The following ADAM33 variants were observed in gnomAD, a reference collection of about 807,000 sequenced individuals.
ADAM33 encodes ADAM metallopeptidase domain 33, also known as disintegrin and metalloproteinase domain-containing protein 33.
ADAM33 carries 103 observed loss-of-function variants against 106.2 expected under a neutral mutation model. That is an observed-to-expected ratio of 0.97 (90% CI 0.83 to 1.14). ADAM33 has a LOEUF of 1.14. Ranked by LOEUF, ADAM33 falls within the 50% of genes most tolerant of loss-of-function variation. The pLI is 0.00. For missense variants in ADAM33, 1,120 were observed against 1,096.6 expected, an observed-to-expected ratio of 1.02 and a Z score of -0.30; for synonymous variants, 483 against 453.0, an observed-to-expected ratio of 1.07 and a Z score of -0.84.
intron 1 of ADAM33, among the ~76,000 whole-genome samples, chr20:3,680,278 C>G (rs537091962): frequency 5.7e-4 from 87 of 152,104 alleles, no homozygotes; most frequent in Non-Finnish European, 1.1e-3. Flanking sequence ...CCCAACCACT[C>G]TCACAGGCCC....
chr20:3,676,750 C>T (rs2087999652), intron 3 of ADAM33, among the ~76,000 whole-genome samples: 1 of 152,160 alleles, frequency 6.6e-6, no homozygotes, highest in Non-Finnish European at 1.5e-5. Context: ...GGTGCCGGCT[C>T]ATCTTTTCCC....
intron 2 of ADAM33, among the ~76,000 whole-genome samples, 169 bp from the exon 3 acceptor site, chr20:3,677,312 A>C (rs756868165): frequency 6.6e-6 from 1 of 152,192 alleles, no homozygotes; most frequent in African/African-American, 2.4e-5. Context: ...AGGTGAGAAC[A>C]TACAAAGATG....
At chr20:3,669,199 G>T in intron 21 of ADAM33, 100 bp downstream of exon 21, 1 of 1,224,784 alleles carries the variant, frequency 8.2e-7, no homozygotes. Flanking sequence ...ATAATAACCT[G>T]AGCCCAGAAA....
intron 13 of ADAM33, 90 bp downstream of exon 13, chr20:3,672,447 G>C: frequency 6.3e-7 from 1 of 1,580,222 alleles, no homozygotes; most frequent in East Asian, 2.3e-5. Flanking sequence ...AGCACCCAAC[G>C]GGGGAACCTG....
rs1426422815 is a variant in ADAM33 at position 3,671,880 on chromosome 20, C to T, written c.1703G>A (p.Gly568Glu). 4 of 1,552,584 alleles carry T rather than the reference C, an allele frequency of 2.6e-6. No homozygotes were observed. The highest frequency in any genetic ancestry group is 1.4e-5 in the African/African-American group (1 of 73,296). ...TCCACTCAGCTCCACTCCCTACCTC[C>T]CTGCACAGGGCAGGAAGTGGCCCTC... ...DSEGHFLPCA[G>E]RDALCGKLQC... is the part of the protein sequence containing the mutation. The change falls in exon 15 of 22, where the codon GGG becomes GAG. Residue 568 changes from glycine (G) to glutamate (E), a missense_variant. Coordinates refer to ENST00000356518, the MANE Select transcript of ADAM33 (RefSeq NM_025220.5).
chr20:3,681,894 G>A lies in ADAM33; in HGVS notation c.97+14C>T. ...TAGCCTGCCCCTCAGGGCGCACCCC[G>A]CCCGCGTCCTCACCTTGAAGCACCC... On this transcript the variant is annotated intron_variant, in intron 1 of 21. Coordinates refer to ENST00000356518, the MANE Select transcript of ADAM33 (RefSeq NM_025220.5). 1 of 1,594,552 alleles carries A rather than the reference G, an allele frequency of 6.3e-7. No individual in the cohort carries two copies. The highest frequency in any genetic ancestry group is 8.5e-7 in the Non-Finnish European group (1 of 1,171,776).
At position 3,675,821 on chromosome 20, in the gene ADAM33, T is replaced by A. The variant is rs1188110360; in HGVS notation, c.255-716A>T. Among the ~76,000 whole-genome samples the A allele has an allele frequency of 1.3e-5, 2 of 151,886 alleles. No homozygotes were observed. The highest frequency in any genetic ancestry group is 2.9e-5 in the Non-Finnish European group (2 of 67,974). On this transcript the variant is annotated intron_variant, in intron 3 of 21. Transcript: ENST00000356518. The surrounding 1 kb of genome is among the most constrained non-coding windows in gnomAD (Gnocchi z 4.1). ...TTTAAAGAAAATCCTTAACCCAACC[T>A]CACCTTGGCCTCATTACCTCCAGAC... is the stretch of plus-strand genomic sequence containing the variant.
chr20:3,668,874 T>C lies in ADAM33; in HGVS notation c.*89A>G. The C allele has an allele frequency of 1.3e-6, 2 of 1,485,950 alleles. No individual in the cohort carries two copies. The highest frequency in any genetic ancestry group is 1.1e-5 in the South Asian group (1 of 87,974). 92.0% of individuals were successfully genotyped at this position (1,485,950 alleles called of 1,614,324 possible). On this transcript the variant is annotated 3_prime_UTR_variant, in exon 22 of 22. Transcript: ENST00000356518. ...CCTGCAGGTGCTGGAGGTCCGGTGA[T>C]TCACTGGCTCTGCCCCTGCAGTTCA...
chr20:3,675,470 G>A lies in ADAM33; in HGVS notation c.255-365C>T, dbSNP rs1163351213. Among the ~76,000 whole-genome samples the A allele has an allele frequency of 6.6e-6, 1 of 152,112 alleles. No individual in the cohort carries two copies. The highest frequency in any genetic ancestry group is 2.4e-5 in the African/African-American group (1 of 41,386). On this transcript the variant is annotated intron_variant, in intron 3 of 21. Transcript: ENST00000356518. This position sits in a 1 kb window ranked among gnomAD's most constrained non-coding sequence, Gnocchi z 4.1. ...GAGACACTGCCGAAGAATGGGACTTGGAGTTGGGGAAATGCGGTGACCTCC... is the reference window on the plus strand; with the variant it reads ...GAGACACTGCCGAAGAATGGGACTTAGAGTTGGGGAAATGCGGTGACCTCC...
Position 3,675,966 on chromosome 20 carries a change from CATT to C in ADAM33, c.255-864_255-862del, listed in dbSNP as rs2087920152. Among the ~76,000 whole-genome samples the C allele has an allele frequency of 6.6e-6, 1 of 152,072 alleles. No individual in the cohort carries two copies. The highest frequency in any genetic ancestry group is 2.4e-5 in the African/African-American group (1 of 41,396). ...TAGGAGGTAGGTGATGTGACCACCC[CATT>C]GAAAGGGTAGGGACGTCGGGAAAAT... On this transcript the variant is annotated intron_variant, in intron 3 of 21. Transcript: ENST00000356518. This position sits in a 1 kb window ranked among gnomAD's most constrained non-coding sequence, Gnocchi z 4.1.
chr20:3,670,579 G>T (rs44707), intron 19 of ADAM33: 101,727 of 174,642 alleles, frequency 0.58, 30,035 homozygotes, highest in South Asian at 0.65. Flanking sequence ...GAACTTCAAG[G>T]GGGTGACAGA....
In ADAM33 at chr20:3,668,102, G is replaced by A. The variant is rs1244575381; in HGVS notation, c.*861C>T. 1 of 152,474 alleles carries A rather than the reference G, an allele frequency of 6.6e-6. No homozygotes were observed. The highest frequency in any genetic ancestry group is 1.9e-4 in the East Asian group (1 of 5,206). 9.4% of individuals were successfully genotyped at this position (152,474 alleles called of 1,614,324 possible). On this transcript the variant is annotated 3_prime_UTR_variant, in exon 22 of 22. Coordinates refer to ENST00000356518, the MANE Select transcript of ADAM33 (RefSeq NM_025220.5). ...AGTGATCCTCCTGCTTCAGCCTCCT[G>A]AGCAGCTAGGCCTACAGGTACACAC...
chr20:3,677,475 G>T (rs943275616), intron 2 of ADAM33, among the ~76,000 whole-genome samples: 2 of 152,162 alleles, frequency 1.3e-5, no homozygotes, highest in Non-Finnish European at 2.9e-5. Context: ...GCCCAGAAGG[G>T]GCATCAAAAG....
rs755937638 is a variant in ADAM33, at chr20:3,671,661, C to G, written c.1825G>C (p.Ala609Pro). The part of the protein sequence containing the change: ...LDGQEVTCRG[A>P]LALPSAQLDL... Reference sequence around the variant, plus strand: ...AGCTGGGCACTGGGGAGTGCCAAGGCTCCCCGACAAGTCACTTCCTGGCCA... The same window carrying G: ...AGCTGGGCACTGGGGAGTGCCAAGGGTCCCCGACAAGTCACTTCCTGGCCA... Residue 609 changes from alanine (A) to proline (P), a missense_variant, in exon 16 of 22, where the codon GCC becomes CCC. By Grantham distance (27) the Ala-to-Pro change is conservative (BLOSUM62 -1). Transcript: ENST00000356518. The G allele has an allele frequency of 3.8e-6, 6 of 1,580,008 alleles. No homozygotes were observed. Among genetic ancestry groups the G allele is most frequent in the Non-Finnish European group, 5.2e-6 (6 of 1,162,520 alleles).
chr20:3,673,529 C>T lies in ADAM33; in HGVS notation c.991-33G>A, dbSNP rs1458070272. ...GCCGTGGGAGGGCGGTCACTGCGGC[C>T]GTAGAGCCTCCTGTCTCTCCCTCGC... On this transcript the variant is annotated intron_variant, in intron 10 of 21. Coordinates refer to ENST00000356518, the MANE Select transcript of ADAM33 (RefSeq NM_025220.5). 2.8e-6 allele frequency: 4 copies of T among 1,452,436 alleles called. No homozygotes were observed. In the South Asian group the frequency reaches 4.4e-5, roughly 16 times the overall value. 90.0% of individuals were successfully genotyped at this position (1,452,436 alleles called of 1,614,324 possible).
chr20:3,673,763 T>C lies in ADAM33; in HGVS notation c.887A>G (p.Asp296Gly). 1 of 1,523,818 alleles carries C rather than the reference T, an allele frequency of 6.6e-7. No individual in the cohort carries two copies. Among genetic ancestry groups the C allele is most frequent in the Non-Finnish European group, 8.8e-7 (1 of 1,140,550 alleles). The allele number at this position is 1,523,818 out of a possible 1,614,324, so 94.4% of individuals were successfully genotyped here. ...CACCCACGTGAGCAGCTGCGCGGAG[T>C]CGTGGGGCCGCTGCGCCCACAGCCC... ...RRGLWAQRPHDSAQLLTGRAF... is the reference protein window; with the variant it reads ...RRGLWAQRPHGSAQLLTGRAF... Residue 296 changes from aspartate (D) to glycine (G), a missense_variant, in exon 9 of 22, where the codon GAC (aspartate) becomes GGC (glycine). By Grantham distance (94) the Asp-to-Gly change is moderately conservative (BLOSUM62 -1). Coordinates refer to ENST00000356518, the MANE Select transcript of ADAM33 (RefSeq NM_025220.5).
chr20:3,672,752 G>A lies in ADAM33; in HGVS notation c.1280C>T (p.Ala427Val). The change falls in exon 12 of 22, where the codon GCG becomes GTG. Residue 427 changes from alanine (A) to valine (V), a missense_variant. By Grantham distance (64) the Ala-to-Val change is moderately conservative. Coordinates refer to ENST00000356518, the MANE Select transcript of ADAM33 (RefSeq NM_025220.5). ...AGGGCCGCAGTCACACTCCTCGCCC[G>A]CTTCCACGAAGCCGTTCCCGCAGAG... ...PALCGNGFVE[A>V]GEECDCGPGQ... 2 of 1,567,312 alleles carry A rather than the reference G, an allele frequency of 1.3e-6. No homozygotes were observed. The highest frequency in any genetic ancestry group is 1.7e-6 in the Non-Finnish European group (2 of 1,156,268).
rs771999108 is a variant in ADAM33, at chr20:3,669,537, C to G, written c.2332+9G>C. The G allele has an allele frequency of 3.8e-6, 6 of 1,576,962 alleles. No individual in the cohort carries two copies. Among genetic ancestry groups the G allele is most frequent in the Non-Finnish European group, 5.2e-6 (6 of 1,160,544 alleles). ...TTCCCTCTCCACCTCCCCCTGGTGCCTCACTCACCCAGGGGCCAGGGCTGT... is the reference window on the plus strand; with the variant it reads ...TTCCCTCTCCACCTCCCCCTGGTGCGTCACTCACCCAGGGGCCAGGGCTGT... On this transcript the variant is annotated intron_variant, in intron 20 of 21. Coordinates refer to ENST00000356518, the MANE Select transcript of ADAM33 (RefSeq NM_025220.5).
Position 3,677,091 on chromosome 20 carries a change from A to G in ADAM33, c.230T>C (p.Leu77Pro), listed in dbSNP as rs1329041930. 1 of 1,612,822 alleles carries G rather than the reference A, an allele frequency of 6.2e-7. No individual in the cohort carries two copies. The highest frequency in any genetic ancestry group is 8.5e-7 in the Non-Finnish European group (1 of 1,179,660). Residue 77 changes from leucine to proline, a missense_variant, in exon 3 of 22, where the codon CTC becomes CCC. By Grantham distance (98) the Leu-to-Pro change is moderately conservative. Transcript: ENST00000356518. ...LVALEAEGQE[L>P]LLELEKNHRL... ...CTGGTTCTTCTCCAGCTCAAGCAGG[A>G]GCTCCTGGCCTTCAGCCTCCAGGGC... is the stretch of plus-strand genomic sequence containing the variant.
Sources: allele counts gnomAD v4.1 joint callset (sites outside exome capture counted in the v4.1 genomes callset), GRCh38; gene constraint gnomAD v4.1.1; non-coding constraint Gnocchi (gnomAD v3.1); transcripts MANE v1.5; gene names NCBI Gene and HGNC (gene_info 2026-07-23, HGNC 2026-07-21).